The following ANTXR2 variants were observed in gnomAD, a reference collection of about 807,000 sequenced individuals.
ANTXR2 encodes the protein ANTXR cell adhesion molecule 2.
ANTXR2 carries 44 observed loss-of-function variants against 73.7 expected under a neutral mutation model. That is an observed-to-expected ratio of 0.60 (90% CI 0.47 to 0.77). The LOEUF is 0.77. Ranked by LOEUF, ANTXR2 falls within the 30% of genes least tolerant of loss-of-function variation. ANTXR2 has a pLI of 0.00. For missense variants in ANTXR2, 604 were observed against 592.5 expected, an observed-to-expected ratio of 1.02 and a Z score of -0.20; for synonymous variants, 217 against 205.9, an observed-to-expected ratio of 1.05 and a Z score of -0.46.
chr4:80,052,876 C>T lies in ANTXR2; in HGVS notation c.636+1396G>A, dbSNP rs115007325. On this transcript the variant is annotated intron_variant, in intron 7 of 16. Transcript: ENST00000403729. ...GATAACGATGTCATCTGGAACTCAGCTACTAATTCCTTGAAGGGGAAATCT... is the reference window on the plus strand; with the variant it reads ...GATAACGATGTCATCTGGAACTCAGTTACTAATTCCTTGAAGGGGAAATCT... Among the ~76,000 whole-genome samples the T allele has an allele frequency of 7.3e-3, 1,111 of 151,610 alleles. 12 individuals are homozygous for T. Among genetic ancestry groups the T allele is most frequent in the Middle Eastern group, 0.024 (7 of 294 alleles).
rs1380301233 is a variant in ANTXR2 at position 79,906,201 on chromosome 4, A to G, written c.*1228T>C. ...AAAAATTATAATACATACATCGTCA[A>G]TGTTTTGTGATAGCGACCCTCCAGA... is the stretch of plus-strand genomic sequence containing the variant. On this transcript the variant is annotated 3_prime_UTR_variant, in exon 17 of 17. Transcript: ENST00000403729. The G allele has an allele frequency of 2.0e-5, 3 of 152,584 alleles. No individual in the cohort carries two copies. The highest frequency in any genetic ancestry group is 2.4e-5 in the African/African-American group (1 of 41,442). The allele number at this position is 152,584 out of a possible 1,614,324, so 9.5% of individuals were successfully genotyped here. A position where few individuals can be genotyped will look rare whatever the true frequency, so the allele number is the denominator to read the frequency against.
chr4:80,033,678 T>C, intron 8 of ANTXR2, 108 bp from the exon 9 acceptor site: 2 of 790,434 alleles, frequency 2.5e-6, no homozygotes, highest in Admixed American at 3.6e-5. Context: ...TTTTTCATAC[T>C]ATTCAGTTAA....
At chr4:79,967,077 C>T (rs1353712590) in intron 16 of ANTXR2, among the ~76,000 whole-genome samples, 1 of 71,370 alleles carries the variant, frequency 1.4e-5, no homozygotes, top group Admixed American at 2.0e-4. Context: ...GTGCGCGAGC[C>T]GAAGCAGGGC....
chr4:79,974,045 ATT>A (rs1729533418), intron 16 of ANTXR2, among the ~76,000 whole-genome samples: 1 of 152,188 alleles, frequency 6.6e-6, no homozygotes, highest in African/African-American at 2.4e-5. Flanking sequence ...TCAGCAAGGA[ATT>A]TAACACAATT....
chr4:80,034,715 T>G (rs907791623), intron 8 of ANTXR2, among the ~76,000 whole-genome samples: 5 of 152,182 alleles, frequency 3.3e-5, no homozygotes, highest in Non-Finnish European at 7.4e-5. Context: ...GAGGCCTAAG[T>G]GTTTTTGCCT....
intron 2 of ANTXR2, among the ~76,000 whole-genome samples, chr4:80,070,604 G>C (rs138173141): frequency 3.8e-4 from 58 of 152,322 alleles, no homozygotes; most frequent in African/African-American, 1.4e-3. Context: ...GCAAGGGACT[G>C]ATGATTGAAC....
At chr4:79,954,492 T>A (rs976878336) in intron 16 of ANTXR2, among the ~76,000 whole-genome samples, 1 of 152,168 alleles carries the variant, frequency 6.6e-6, no homozygotes, top group Admixed American at 6.5e-5. Context: ...CATCTGTAGT[T>A]CTAGCTACTC....
intron 16 of ANTXR2, among the ~76,000 whole-genome samples, chr4:79,916,202 T>A (rs780009685): frequency 4.9e-4 from 74 of 152,078 alleles, no homozygotes; most frequent in Non-Finnish European, 9.3e-4. Context: ...AGGCATACAG[T>A]TGGCAGTTAA....
intron 11 of ANTXR2, among the ~76,000 whole-genome samples, chr4:80,011,244 C>T (rs6813803): frequency 1.3e-5 from 2 of 151,878 alleles, no homozygotes; most frequent in East Asian, 3.9e-4. Flanking sequence ...ATGGGAAAAG[C>T]GTCAGGGAAA....
At chr4:79,966,179 T>C (rs1218301728) in intron 16 of ANTXR2, among the ~76,000 whole-genome samples, 2 of 146,180 alleles carry the variant, frequency 1.4e-5, no homozygotes, top group East Asian at 4.3e-4. Flanking sequence ...ATTCATTTTC[T>C]CCTTTCTTGA....
chr4:80,051,210 C>T (rs13116192), intron 7 of ANTXR2, among the ~76,000 whole-genome samples: 6,806 of 151,776 alleles, frequency 0.045, 193 homozygotes, highest in Middle Eastern at 0.11. Flanking sequence ...ACACCAATTG[C>T]GTTATAAGAT....
intron 3 of ANTXR2, among the ~76,000 whole-genome samples, chr4:80,066,914 C>G (rs1341902947): frequency 6.6e-6 from 1 of 152,178 alleles, no homozygotes; most frequent in East Asian, 1.9e-4. Context: ...AAGGCCTCTT[C>G]TGGTGAGGTG....
In ANTXR2 at chr4:80,036,175, A is replaced by C. The variant is rs144388063; in HGVS notation, c.637-143T>G. 22 of 669,464 alleles carry C rather than the reference A, an allele frequency of 3.3e-5. No individual in the cohort carries two copies. In the African/African-American group the frequency reaches 3.7e-4, roughly 11 times the overall value. 41.5% of individuals were successfully genotyped at this position (669,464 alleles called of 1,614,324 possible). A position where few individuals can be genotyped will look rare whatever the true frequency, so the allele number is the denominator to read the frequency against. On this transcript the variant is annotated intron_variant, in intron 7 of 16. Transcript: ENST00000403729. ...AAAATCTATTAACTATAGCGTGTAC[A>C]GCTACCAAGTTCTTAGGAAACTTCT...
chr4:79,937,043 T>C (rs1223185273), intron 16 of ANTXR2, among the ~76,000 whole-genome samples: 1 of 140,170 alleles, frequency 7.1e-6, no homozygotes. Flanking sequence ...AGAAGAAAAA[T>C]GTATTAATAA....
chr4:79,987,818 C>T (rs35008989), intron 12 of ANTXR2, among the ~76,000 whole-genome samples: 10,383 of 152,192 alleles, frequency 0.068, 440 homozygotes, highest in Middle Eastern at 0.11. Context: ...CTATATTCTG[C>T]AACTTTAAAG....
intron 7 of ANTXR2, among the ~76,000 whole-genome samples, chr4:80,049,516 T>C (rs758972146): frequency 6.6e-6 from 1 of 151,696 alleles, no homozygotes; most frequent in South Asian, 2.1e-4. Context: ...TGAGGAAGCA[T>C]AATGACAGTA....
intron 8 of ANTXR2, among the ~76,000 whole-genome samples, 180 bp from the exon 9 acceptor site, chr4:80,033,750 G>A (rs1732815942): frequency 6.6e-6 from 1 of 151,932 alleles, no homozygotes; most frequent in Admixed American, 6.6e-5. Context: ...AGACCCTCTA[G>A]GTAAATGTAG....
chr4:80,024,617 C>A, intron 10 of ANTXR2: 1 of 388,804 alleles, frequency 2.6e-6, no homozygotes, highest in East Asian at 7.8e-5. Flanking sequence ...AGAAAATTAG[C>A]AGGGTGTGGT....
chr4:79,989,805 C>T (rs889018081), intron 12 of ANTXR2, among the ~76,000 whole-genome samples: 2 of 152,170 alleles, frequency 1.3e-5, no homozygotes, highest in East Asian at 3.9e-4. Flanking sequence ...GACTTTATCC[C>T]TGGGATGCAA....
Sources: allele counts gnomAD v4.1 joint callset (sites outside exome capture counted in the v4.1 genomes callset), GRCh38; gene constraint gnomAD v4.1.1; transcripts MANE v1.5; gene names NCBI Gene and HGNC (gene_info 2026-07-23, HGNC 2026-07-21).